The following EPM2A variants were observed in gnomAD, a reference collection of about 807,000 sequenced individuals.
EPM2A encodes EPM2A glucan phosphatase, laforin.
Under a neutral mutation model 26.5 loss-of-function variants are expected in EPM2A, and 21 were observed. The ratio of observed to expected loss-of-function variants is 0.79; its 90% CI spans 0.56 to 1.14. EPM2A has a LOEUF of 1.14. Ranked by LOEUF, EPM2A falls within the 50% of genes most tolerant of loss-of-function variation. EPM2A has a pLI of 0.00. For synonymous variants in EPM2A, 217 were observed against 177.6 expected (o/e 1.22, Z -1.76); for missense variants, 458 against 440.8 (o/e 1.04, Z -0.35).
rs1173939028 is a variant in EPM2A at position 145,686,146 on chromosome 6, C to A, written c.452G>T (p.Gly151Val). The change falls in exon 2 of 4, where the codon GGC becomes GTC. Residue 151 changes from glycine (G) to valine (V), a missense_variant. By Grantham distance (109) the Gly-to-Val change is moderately radical (BLOSUM62 -3). Coordinates refer to ENST00000367519, the MANE Select transcript of EPM2A (RefSeq NM_005670.4). ...CCTTGAATAATGCATGGCTTGGTGG[C>A]CTGCAATATTAAAATAGAAGTCTGT... ...HTTDFYFNIA[G>V]HQAMHYSRIL... 1 of 1,613,780 alleles carries A rather than the reference C, an allele frequency of 6.2e-7. No individual in the cohort carries two copies. Among genetic ancestry groups the A allele is most frequent in the East Asian group, 2.2e-5 (1 of 44,858 alleles).
intron 2 of EPM2A, among the ~76,000 whole-genome samples, chr6:145,526,995 A>G (rs1240605927): frequency 6.6e-6 from 1 of 151,798 alleles, no homozygotes; most frequent in East Asian, 1.9e-4. Context: ...CTCTGTTTTC[A>G]TTTACTTCAA....
intron 2 of EPM2A, among the ~76,000 whole-genome samples, chr6:145,619,704 C>T (rs1211832103): frequency 6.6e-6 from 1 of 151,754 alleles, no homozygotes; most frequent in East Asian, 1.9e-4. Flanking sequence ...TTTTGCCTTC[C>T]TCACAATTAA....
chr6:145,716,173 C>G (rs79586824), intron 1 of EPM2A, among the ~76,000 whole-genome samples: 1 of 152,088 alleles, frequency 6.6e-6, no homozygotes, highest in Non-Finnish European at 1.5e-5. Flanking sequence ...TAGAATTTTG[C>G]GGAATTTTTT....
chr6:145,481,886 T>G (rs959838637), intron 4 of EPM2A, among the ~76,000 whole-genome samples: 1 of 151,510 alleles, frequency 6.6e-6, no homozygotes, highest in African/African-American at 2.4e-5. Flanking sequence ...GATAATTTAG[T>G]GAAACCATAA....
At chr6:145,703,356 G>T (rs1409487762) in intron 1 of EPM2A, among the ~76,000 whole-genome samples, 1 of 152,014 alleles carries the variant, frequency 6.6e-6, no homozygotes, top group Non-Finnish European at 1.5e-5. Flanking sequence ...CTCCCAAAGT[G>T]CTGGGATTAC....
chr6:145,555,221 T>C (rs1295497028), intron 2 of EPM2A, among the ~76,000 whole-genome samples: 3 of 152,106 alleles, frequency 2.0e-5, no homozygotes, highest in African/African-American at 4.8e-5. Context: ...GCAATCATCA[T>C]GTTAGCATCA....
chr6:145,509,010 T>C (rs1780016663), intron 2 of EPM2A, among the ~76,000 whole-genome samples: 1 of 152,220 alleles, frequency 6.6e-6, no homozygotes, highest in Non-Finnish European at 1.5e-5. Context: ...GACTAGTCCT[T>C]CAAATCAACC....
intron 4 of EPM2A, among the ~76,000 whole-genome samples, chr6:145,468,277 A>G (rs868698528): frequency 6.6e-6 from 1 of 152,290 alleles, no homozygotes; most frequent in Middle Eastern, 3.4e-3. Flanking sequence ...CAAAAATATG[A>G]TACTGTGCAT....
At chr6:145,438,689 G>A (rs1374152775) in intron 4 of EPM2A, among the ~76,000 whole-genome samples, 3 of 151,950 alleles carry the variant, frequency 2.0e-5, no homozygotes, top group Non-Finnish European at 4.4e-5. Context: ...GGTCAGGCTG[G>A]TCTCAAACTC....
intron 4 of EPM2A, among the ~76,000 whole-genome samples, chr6:145,474,835 A>G (rs1237377960): frequency 1.3e-5 from 2 of 152,246 alleles, no homozygotes; most frequent in East Asian, 1.9e-4. Context: ...TTCTCAAAAG[A>G]AGACATTTAT....
chr6:145,404,382 C>A (rs1485132005), intron 4 of EPM2A, among the ~76,000 whole-genome samples: 2 of 151,744 alleles, frequency 1.3e-5, no homozygotes, highest in Non-Finnish European at 2.9e-5. Context: ...ATATACAGGT[C>A]TTTATATACT....
At chr6:145,560,437 A>G (rs961359661) in intron 2 of EPM2A, among the ~76,000 whole-genome samples, 1 of 152,128 alleles carries the variant, frequency 6.6e-6, no homozygotes, top group African/African-American at 2.4e-5. Flanking sequence ...AAAATATTTT[A>G]GGCTCTGCAA....
intron 4 of EPM2A, among the ~76,000 whole-genome samples, chr6:145,406,813 TCATTA>T (rs1413957180): frequency 2.0e-5 from 3 of 152,140 alleles, no homozygotes; most frequent in African/African-American, 7.2e-5. Context: ...ACCTGGGAAG[TCATTA>T]GAAATGCAAA....
chr6:145,405,430 T>G (rs546085780), intron 4 of EPM2A, among the ~76,000 whole-genome samples: 1 of 152,084 alleles, frequency 6.6e-6, no homozygotes, highest in Non-Finnish European at 1.5e-5. Context: ...TTGGGGACTA[T>G]AAGTACATGA....
chr6:145,559,063 T>C (rs1780770323), intron 2 of EPM2A, among the ~76,000 whole-genome samples: 1 of 152,138 alleles, frequency 6.6e-6, no homozygotes, highest in Non-Finnish European at 1.5e-5. Context: ...GATGTTGTCT[T>C]CATTTTCACA....
At chr6:145,439,310 C>T (rs1162550136) in intron 4 of EPM2A, among the ~76,000 whole-genome samples, 2 of 151,962 alleles carry the variant, frequency 1.3e-5, no homozygotes, top group African/African-American at 2.4e-5. Flanking sequence ...AATTTATATC[C>T]CTTTGGATAT....
At chr6:145,399,149 A>T (rs952957317) in intron 4 of EPM2A, among the ~76,000 whole-genome samples, 1 of 152,178 alleles carries the variant, frequency 6.6e-6, no homozygotes, top group East Asian at 1.9e-4. Context: ...TTACAATGTC[A>T]TGTAAATGGA....
At chr6:145,403,008 CTTT>C (rs1778514235) in intron 4 of EPM2A, among the ~76,000 whole-genome samples, 2 of 152,120 alleles carry the variant, frequency 1.3e-5, no homozygotes, top group African/African-American at 4.8e-5. Context: ...ACTTCTGTAA[CTTT>C]CCTCAAACCT....
intron 4 of EPM2A, among the ~76,000 whole-genome samples, chr6:145,447,565 A>G (rs1779142642): frequency 6.6e-6 from 1 of 152,094 alleles, no homozygotes; most frequent in Non-Finnish European, 1.5e-5. Context: ...TCAGGGGTTT[A>G]AAAATGCTTA....
Sources: gnomAD v4.1 joint callset for allele counts (sites outside exome capture counted in the v4.1 genomes callset) on GRCh38, gnomAD v4.1.1 for gene constraint, MANE v1.5 for transcripts, NCBI Gene and HGNC (gene_info 2026-07-23, HGNC 2026-07-21) for gene names.